Variants in KCNT1 observed in about 807,000 individuals in gnomAD.
The protein encoded by KCNT1 is potassium channel subfamily T member 1.
In KCNT1, 78 loss-of-function variants were observed where a neutral mutation model predicts 147.8. The ratio of observed to expected loss-of-function variants is 0.53; its 90% confidence interval spans 0.44 to 0.64. KCNT1 has a LOEUF of 0.64. Among genes scored for constraint, KCNT1 ranks in the 30% least tolerant of loss-of-function variants. The pLI is 0.00. For synonymous variants in KCNT1, 867 were observed against 748.8 expected, an observed-to-expected ratio of 1.16 and a Z score of -2.58; for missense variants, 1,419 against 1,750.3, an observed-to-expected ratio of 0.81 and a Z score of 3.38.
chr9:135,759,028 C>T (rs898080827), intron 10 of KCNT1, among the ~76,000 whole-genome samples: 3 of 152,242 alleles, frequency 2.0e-5, no homozygotes, highest in African/African-American at 4.8e-5. Context: ...GTCAGGCAAG[C>T]ACTGTGCCCT....
At chr9:135,783,575 C>T (rs954508127) in intron 24 of KCNT1, among the ~76,000 whole-genome samples, 4 of 152,212 alleles carry the variant, frequency 2.6e-5, no homozygotes, top group East Asian at 1.9e-4. Context: ...AGCACAGGGA[C>T]GGGGAGGCCA....
At chr9:135,769,639 CCAGGGGA>C (rs1219674482) in intron 15 of KCNT1, among the ~76,000 whole-genome samples, 1 of 152,122 alleles carries the variant, frequency 6.6e-6, no homozygotes, top group Non-Finnish European at 1.5e-5. Context: ...TGCCAGGTGC[CCAGGGGA>C]CAGGGGTCAG....
intron 11 of KCNT1, among the ~76,000 whole-genome samples, chr9:135,760,516 G>C (rs1453703565): frequency 6.6e-6 from 1 of 152,202 alleles, no homozygotes; most frequent in Non-Finnish European, 1.5e-5. Context: ...GTAGGAGGAA[G>C]AGCCTGAGGA....
At chr9:135,782,068 G>A (rs1313637288) in intron 24 of KCNT1, among the ~76,000 whole-genome samples, 3 of 152,126 alleles carry the variant, frequency 2.0e-5, no homozygotes, top group Non-Finnish European at 2.9e-5. Flanking sequence ...AAAATTAGCC[G>A]GGCGTGGTGG....
intron 19 of KCNT1, among the ~76,000 whole-genome samples, chr9:135,774,827 G>A (rs1833044114): frequency 6.6e-6 from 1 of 152,046 alleles, no homozygotes; most frequent in African/African-American, 2.4e-5. Flanking sequence ...CTGACCAGGT[G>A]AGGGGTGAGC....
At chr9:135,728,665 G>A (rs768972865) in intron 2 of KCNT1, among the ~76,000 whole-genome samples, 3 of 152,250 alleles carry the variant, frequency 2.0e-5, no homozygotes, top group Admixed American at 1.3e-4. Context: ...GCTGGGAAGG[G>A]GAGAGGGCCG....
At chr9:135,780,185 T>C (rs923527258) in intron 24 of KCNT1, among the ~76,000 whole-genome samples, 2 of 151,448 alleles carry the variant, frequency 1.3e-5, no homozygotes, top group African/African-American at 4.9e-5. Context: ...AGCACCACCT[T>C]GTCCACACGG....
intron 13 of KCNT1, 141 bp downstream of exon 13, chr9:135,765,901 T>A: frequency 1.2e-6 from 1 of 830,164 alleles, no homozygotes; most frequent in Non-Finnish European, 1.8e-6. Context: ...GGGTGGACCA[T>A]CTAGGTGGAC....
chr9:135,734,896 G>T (rs987234139), intron 2 of KCNT1, among the ~76,000 whole-genome samples: 15 of 152,160 alleles, frequency 9.9e-5, no homozygotes, highest in Non-Finnish European at 1.5e-4. Flanking sequence ...CAGTCATGGC[G>T]CGGTGAAGGG....
rs1240613213 is a variant in KCNT1 at position 135,752,508 on chromosome 9, T to A, written c.435-1429T>A. 2 of 452,558 alleles carry A rather than the reference T, an allele frequency of 4.4e-6. No individual in the cohort carries two copies. The highest frequency in any genetic ancestry group is 2.4e-5 in the Admixed American group (1 of 42,028). The allele number at this position is 452,558 out of a possible 1,614,324, so 28.0% of individuals were successfully genotyped here. ...GTCCCCTGGGGCTTCTGGTTTCACATCCCCACAGGGCCCAAGTCTGTTGTG... is the reference window on the plus strand; with the variant it reads ...GTCCCCTGGGGCTTCTGGTTTCACAACCCCACAGGGCCCAAGTCTGTTGTG... On this transcript the variant is annotated intron_variant, in intron 4 of 30. Coordinates refer to ENST00000371757, the MANE Select transcript of KCNT1 (RefSeq NM_020822.3). This position sits in a 1 kb window ranked among gnomAD's most constrained non-coding sequence, Gnocchi z 5.1.
chr9:135,770,184 T>C (rs1215514649), intron 16 of KCNT1, 114 bp from the exon 17 acceptor site: 8 of 1,409,878 alleles, frequency 5.7e-6, no homozygotes, highest in Non-Finnish European at 7.7e-6. Flanking sequence ...AAGTCCTGCA[T>C]AGGGAGGGGA....
At chr9:135,726,242 C>T (rs1836134094) in intron 2 of KCNT1, among the ~76,000 whole-genome samples, 1 of 152,098 alleles carries the variant, frequency 6.6e-6, no homozygotes, top group Non-Finnish European at 1.5e-5. Flanking sequence ...CAGCCCCTCT[C>T]CACAGCACTA....
rs768576242 is a variant in KCNT1 at position 135,714,712 on chromosome 9, C to T, written c.246C>T (p.Asn82=). 2 of 1,433,920 alleles carry T rather than the reference C, an allele frequency of 1.4e-6. No homozygotes were observed. The highest frequency in any genetic ancestry group is 1.5e-5 in the African/African-American group (1 of 66,124). 88.8% of individuals were successfully genotyped at this position (1,433,920 alleles called of 1,614,324 possible). A position where few individuals can be genotyped will look rare whatever the true frequency, so the allele number is the denominator to read the frequency against. ...TGCTGGGCGACCCGTCCTTCCAGAA[C>T]GACGACAGGTAGGGACCGGGCGCGG... is the stretch of plus-strand genomic sequence containing the variant. ...DLLLGDPSFQ[N]DDRVQVEFYV... is the part of the protein sequence containing the mutation. Residue 82 remains asparagine, a synonymous_variant, in exon 2 of 31, where the codon AAC becomes AAT. Transcript: ENST00000371757. This position sits in a 1 kb window ranked among gnomAD's most constrained non-coding sequence, Gnocchi z 6.2.
At chr9:135,781,050 T>C (rs1833573847) in intron 24 of KCNT1, among the ~76,000 whole-genome samples, 1 of 152,146 alleles carries the variant, frequency 6.6e-6, no homozygotes, top group Non-Finnish European at 1.5e-5. Flanking sequence ...TCACCCACGC[T>C]CCGCCCCGCC....
At chr9:135,731,430 C>T (rs980932380) in intron 2 of KCNT1, among the ~76,000 whole-genome samples, 25 of 152,290 alleles carry the variant, frequency 1.6e-4, no homozygotes, top group African/African-American at 4.3e-4. Flanking sequence ...AATTCTCTAA[C>T]GCTCTGTAGC....
At chr9:135,732,453 G>A (rs11103152) in intron 2 of KCNT1, among the ~76,000 whole-genome samples, 20,417 of 152,162 alleles carry the variant, frequency 0.13, 1,552 homozygotes, top group South Asian at 0.18. Flanking sequence ...GTCAGAGCCA[G>A]CCATCTGTGT....
At chr9:135,769,099 A>ACGCG (rs1832542766) in intron 15 of KCNT1, among the ~76,000 whole-genome samples, 162 bp downstream of exon 15, 1 of 59,238 alleles carries the variant, frequency 1.7e-5, no homozygotes, top group Admixed American at 1.8e-4. Context: ...CTGGGGCAGG[A>ACGCG]TGCGTGTGCA....
chr9:135,768,735 C>A (rs537715987), intron 14 of KCNT1, 62 bp downstream of exon 14: 257 of 1,535,396 alleles, frequency 1.7e-4, no homozygotes, highest in Non-Finnish European at 1.9e-4. Flanking sequence ...GAGCGGGGGT[C>A]CCTGAGGGAA....
intron 19 of KCNT1, 35 bp from the exon 20 acceptor site, chr9:135,775,275 G>A (rs750503871): frequency 3.3e-6 from 5 of 1,534,944 alleles, no homozygotes; most frequent in East Asian, 2.3e-5. Flanking sequence ...CCACCTCTGT[G>A]CAGCTGTGCT....
Sources: gnomAD v4.1 joint callset for allele counts (sites outside exome capture counted in the v4.1 genomes callset) on GRCh38, gnomAD v4.1.1 for gene constraint, Gnocchi (gnomAD v3.1) non-coding constraint, MANE v1.5 for transcripts, NCBI Gene and HGNC (gene_info 2026-07-23, HGNC 2026-07-21) for gene names.